Variants in DENND5B observed in about 807,000 individuals in gnomAD.
DENND5B encodes the protein DENN domain-containing protein 5B.
DENND5B carries 34 observed loss-of-function variants against 140.6 expected under a neutral mutation model. The observed-to-expected ratio is 0.24, with a 90% confidence interval of 0.18 to 0.32. DENND5B has a LOEUF of 0.32. DENND5B is among the 10% of genes least tolerant of loss of function. The probability of loss-of-function intolerance (pLI) is 1.00; values close to 1 mark genes in which losing one functional copy is unlikely to be tolerated. For missense variants in DENND5B, 1,142 were observed against 1,560.2 expected (o/e 0.73, Z 4.52); for synonymous variants, 551 against 562.1 (o/e 0.98, Z 0.28).
At chr12:31,403,282 C>T (rs1457078646) in intron 14 of DENND5B, among the ~76,000 whole-genome samples, 1 of 152,188 alleles carries the variant, frequency 6.6e-6, no homozygotes, top group Non-Finnish European at 1.5e-5. Context: ...CCCAGGGAGG[C>T]TCTTCCACAG....
At chr12:31,535,880 C>A (rs1592000114) in intron 1 of DENND5B, among the ~76,000 whole-genome samples, 1 of 152,270 alleles carries the variant, frequency 6.6e-6, no homozygotes, top group East Asian at 1.9e-4. Flanking sequence ...CACCAAATAT[C>A]ATGTCAAATT....
intron 1 of DENND5B, among the ~76,000 whole-genome samples, chr12:31,503,205 AG>A (rs1195961361): frequency 6.6e-6 from 1 of 152,094 alleles, no homozygotes; most frequent in Admixed American, 6.6e-5. Context: ...AGGAGGAGAG[AG>A]GGGAATTACA....
intron 1 of DENND5B, among the ~76,000 whole-genome samples, chr12:31,530,458 T>A (rs10843963): frequency 0.57 from 86,908 of 152,046 alleles, 25,320 homozygotes; most frequent in East Asian, 0.82. Flanking sequence ...ATTTTGAATA[T>A]GCAAACATTT....
At chr12:31,515,151 G>A (rs977064776) in intron 1 of DENND5B, among the ~76,000 whole-genome samples, 11 of 152,012 alleles carry the variant, frequency 7.2e-5, no homozygotes, top group East Asian at 5.8e-4. Context: ...TAAGACTTGC[G>A]ATTATAAGCC....
intron 3 of DENND5B, among the ~76,000 whole-genome samples, chr12:31,478,575 C>G (rs1456879480): frequency 6.6e-6 from 1 of 152,070 alleles, no homozygotes; most frequent in Non-Finnish European, 1.5e-5. Context: ...GTGGCACATT[C>G]CTATAGTACC....
chr12:31,423,523 A>G, intron 11 of DENND5B, 74 bp downstream of exon 11: 1 of 1,471,606 alleles, frequency 6.8e-7, no homozygotes, highest in South Asian at 1.2e-5. Context: ...AGAGAAAGAG[A>G]TCAAGACAAG....
intron 8 of DENND5B, 109 bp downstream of exon 8, chr12:31,433,046 G>GTTT: frequency 1.2e-6 from 1 of 834,956 alleles, no homozygotes; most frequent in South Asian, 1.7e-5. Context: ...TAACTAAACA[G>GTTT]TTTTTTTTTT....
chr12:31,426,930 A>G (rs572892540), intron 8 of DENND5B, among the ~76,000 whole-genome samples: 155 of 152,274 alleles, frequency 1.0e-3, no homozygotes, highest in Middle Eastern at 3.4e-3. Context: ...TAAAATCAGG[A>G]GCTTTCGAAT....
At chr12:31,569,191 C>T (rs568537019) in intron 1 of DENND5B, among the ~76,000 whole-genome samples, 10 of 151,294 alleles carry the variant, frequency 6.6e-5, no homozygotes, top group South Asian at 2.1e-4. Flanking sequence ...CTCAGCCTAC[C>T]GAGTAGCTGG....
intron 3 of DENND5B, among the ~76,000 whole-genome samples, chr12:31,473,898 A>C (rs1320628958): frequency 6.6e-6 from 1 of 152,182 alleles, no homozygotes; most frequent in Non-Finnish European, 1.5e-5. Flanking sequence ...CCTTGGACTG[A>C]CTTTGGAACT....
intron 1 of DENND5B, among the ~76,000 whole-genome samples, chr12:31,568,278 A>G (rs183855164): frequency 6.6e-6 from 1 of 152,344 alleles, no homozygotes; most frequent in Admixed American, 6.5e-5. Context: ...TCCCACCCTT[A>G]AGAAATCTCA....
At chr12:31,447,876 T>A (rs1944338737) in intron 5 of DENND5B, 107 bp from the exon 6 acceptor site, 1 of 802,132 alleles carries the variant, frequency 1.2e-6, no homozygotes, top group Non-Finnish European at 1.9e-6. Context: ...TTAAATCTTA[T>A]AAAACTGACA....
intron 1 of DENND5B, among the ~76,000 whole-genome samples, chr12:31,571,085 T>C (rs1949806952): frequency 6.6e-6 from 1 of 152,148 alleles, no homozygotes; most frequent in Non-Finnish European, 1.5e-5. Flanking sequence ...GCCCTTACTA[T>C]GGGAGACAGG....
chr12:31,392,616 C>A lies in DENND5B; in HGVS notation c.3337G>T (p.Glu1113Ter). ...IVKHFHKPEK[E>*]RGSLTVLLCG... The stretch of plus-strand genomic sequence containing the variant: ...TAAGTTTTATAGCCCATAAATACCT[C>A]TTTTTCAGGTTTATGAAAATGTTTC... Residue 1113 changes from glutamate to a stop codon, truncating the protein, a stop_gained and splice_region_variant, in exon 18 of 21, where the codon GAG becomes TAG. Transcript: ENST00000389082. LOFTEE classifies it high-confidence loss of function. 1 of 1,555,572 alleles carries A rather than the reference C, an allele frequency of 6.4e-7. No homozygotes were observed. Among genetic ancestry groups the A allele is most frequent in the Non-Finnish European group, 8.7e-7 (1 of 1,148,740 alleles).
At chr12:31,490,783 C>A (rs1043317227) in intron 2 of DENND5B, among the ~76,000 whole-genome samples, 2 of 152,142 alleles carry the variant, frequency 1.3e-5, no homozygotes, top group African/African-American at 4.8e-5. Context: ...TTTACTCTTA[C>A]AAGATAAGCA....
chr12:31,575,638 C>T (rs772610099), intron 1 of DENND5B, among the ~76,000 whole-genome samples: 1 of 152,022 alleles, frequency 6.6e-6, no homozygotes, highest in Non-Finnish European at 1.5e-5. Context: ...GTACTAAACC[C>T]GAAAAGATGT....
At chr12:31,524,041 C>CTTTTTT (rs148193944) in intron 1 of DENND5B, among the ~76,000 whole-genome samples, 3 of 121,570 alleles carry the variant, frequency 2.5e-5, no homozygotes, top group East Asian at 4.6e-4. Context: ...CTACTGAGCC[C>CTTTTTT]TTTTTTTTTT....
At chr12:31,470,592 C>T (rs1259238) in intron 3 of DENND5B, among the ~76,000 whole-genome samples, 148,689 of 152,284 alleles carry the variant, frequency 0.98, 72,600 homozygotes, top group East Asian at 1. Context: ...AGGTATTTTA[C>T]AGTAACACAA....
At position 31,542,631 on chromosome 12, in the gene DENND5B, AC is replaced by A. The variant is rs150090930; in HGVS notation, c.128-46713del. Reference sequence around the variant, plus strand: ...TATCTCATGTAACCCATAAATATATACATCTGCTATGTATCCACAAAAATTA... The same window carrying A: ...TATCTCATGTAACCCATAAATATATAATCTGCTATGTATCCACAAAAATTA... On this transcript the variant is annotated intron_variant, in intron 1 of 20. Transcript: ENST00000389082. Among the ~76,000 whole-genome samples, 621 of 152,304 alleles carry A rather than the reference AC, an allele frequency of 4.1e-3. 11 individuals are homozygous for A. Among genetic ancestry groups the A allele is most frequent in the African/African-American group, 0.015 (605 of 41,568 alleles).
Sources: allele counts gnomAD v4.1 joint callset (sites outside exome capture counted in the v4.1 genomes callset), GRCh38; gene constraint gnomAD v4.1.1; transcripts MANE v1.5; gene names NCBI Gene and HGNC (gene_info 2026-07-23, HGNC 2026-07-21).